Variants in ZNF365 observed in about 807,000 individuals in gnomAD.
The protein encoded by ZNF365 is zinc finger protein 365.
In ZNF365, 22 loss-of-function variants were observed where a neutral mutation model predicts 35.0. The ratio of observed to expected loss-of-function variants is 0.63; its 90% CI spans 0.45 to 0.90. ZNF365 has a LOEUF of 0.90. ZNF365 is among the 40% of genes least tolerant of loss of function. The pLI, the probability that ZNF365 is intolerant of heterozygous loss-of-function variation, is 0.00. For missense variants in ZNF365, 448 were observed against 500.3 expected, an observed-to-expected ratio of 0.90 and a Z score of 1.00; for synonymous variants, 188 against 196.2, an observed-to-expected ratio of 0.96 and a Z score of 0.35.
chr10:62,429,510 C>T (rs1034438645), intron 3 of ZNF365, among the ~76,000 whole-genome samples: 1 of 152,140 alleles, frequency 6.6e-6, no homozygotes, highest in African/African-American at 2.4e-5. Context: ...AATAAATGTA[C>T]TTAACTGTTA....
chr10:62,455,298 C>T (rs895401372), intron 3 of ZNF365, among the ~76,000 whole-genome samples: 33 of 152,068 alleles, frequency 2.2e-4, no homozygotes, highest in African/African-American at 7.5e-4. Flanking sequence ...GTCATGAAGC[C>T]CCAGTTGGCT....
At chr10:62,449,125 T>C (rs1026188427) in intron 3 of ZNF365, among the ~76,000 whole-genome samples, 4 of 152,212 alleles carry the variant, frequency 2.6e-5, no homozygotes, top group Admixed American at 2.0e-4. Flanking sequence ...GTAAAGGAAG[T>C]CTTTATTGCC....
At chr10:62,475,440 T>C (rs75971240) in intron 4 of ZNF365, among the ~76,000 whole-genome samples, 1 of 152,018 alleles carries the variant, frequency 6.6e-6, no homozygotes, top group African/African-American at 2.4e-5. Context: ...TAAAATAAAA[T>C]AAAATTAAAT....
At chr10:62,379,757 T>G (rs1359604628) in intron 2 of ZNF365, among the ~76,000 whole-genome samples, 2 of 152,166 alleles carry the variant, frequency 1.3e-5, no homozygotes, top group South Asian at 2.1e-4. Context: ...GCATCTTCCA[T>G]CCTAACCACC....
At position 62,376,720 on chromosome 10, in the gene ZNF365, T is replaced by A; in HGVS notation, c.527T>A (p.Ile176Asn). The A allele has an allele frequency of 6.2e-7, 1 of 1,614,104 alleles. No homozygotes were observed. Among genetic ancestry groups the A allele is most frequent in the Non-Finnish European group, 8.5e-7 (1 of 1,180,032 alleles). ...NRMVEAVDRT[I>N]EKRIDKLTKE... ...ATGGTTGAGGCTGTGGATAGGACCA[T>A]TGAGAAGAGAATTGATAAACTCACC... Residue 176 changes from isoleucine to asparagine, a missense_variant, in exon 2 of 5, where the codon ATT becomes AAT. Around this residue, in one of 3 missense-constraint regions of ZNF365, gnomAD observed 362 missense variants for 375.7 expected, o/e 0.96. Coordinates refer to ENST00000395254, the MANE Select transcript of ZNF365 (RefSeq NM_014951.3).
chr10:62,480,185 G>T (rs1336884766), exon 5 of ZNF365: 1 of 1,160,294 alleles, frequency 8.6e-7, no homozygotes, highest in Non-Finnish European at 1.1e-6. Context: ...GCAAGTAGAA[G>T]ATGCTTCAGA....
chr10:62,466,245 A>G (rs539694364), intron 4 of ZNF365, among the ~76,000 whole-genome samples: 1 of 152,294 alleles, frequency 6.6e-6, no homozygotes, highest in South Asian at 2.1e-4. Context: ...TTCAGGTGCC[A>G]CTGCATTCCC....
Position 62,401,438 on chromosome 10 carries a change from C to T in ZNF365, c.*1649C>T, listed in dbSNP as rs186294967. On this transcript the variant is annotated 3_prime_UTR_variant, in exon 5 of 5. Transcript: ENST00000395254. ...TTATCATTATACAAACATTCTGAAC[C>T]TACCATAATGAAAATGTTCTTGAAT... The T allele has an allele frequency of 3.7e-5, 36 of 985,244 alleles. No homozygotes were observed. In the East Asian group the frequency reaches 3.6e-3, roughly 98 times the overall value. The allele number at this position is 985,244 out of a possible 1,614,324, so 61.0% of individuals were successfully genotyped here.
At chr10:62,427,054 C>T (rs1387671982) in intron 3 of ZNF365, among the ~76,000 whole-genome samples, 1 of 152,198 alleles carries the variant, frequency 6.6e-6, no homozygotes, top group Non-Finnish European at 1.5e-5. Context: ...ATAAAAATTC[C>T]TATCGCTTAG....
At chr10:62,382,908 C>A (rs1839464203) in intron 2 of ZNF365, among the ~76,000 whole-genome samples, 1 of 152,140 alleles carries the variant, frequency 6.6e-6, no homozygotes, top group African/African-American at 2.4e-5. Flanking sequence ...ATAAATCAGT[C>A]ATGTAAAGTG....
intron 3 of ZNF365, among the ~76,000 whole-genome samples, chr10:62,416,909 A>T (rs1032143942): frequency 6.6e-6 from 1 of 152,048 alleles, no homozygotes; most frequent in African/African-American, 2.4e-5. Context: ...AACCTGTATT[A>T]CTATAATTTA....
intron 4 of ZNF365, among the ~76,000 whole-genome samples, chr10:62,472,330 G>A (rs891381081): frequency 5.3e-5 from 8 of 152,214 alleles, no homozygotes; most frequent in African/African-American, 1.4e-4. Flanking sequence ...TCTGTAATCA[G>A]TTGAATTGTG....
At position 62,400,597 on chromosome 10, in the gene ZNF365, T is replaced by C. The variant is rs1165298264; in HGVS notation, c.*808T>C. The C allele has an allele frequency of 1.0e-6, 1 of 985,860 alleles. No homozygotes were observed. The highest frequency in any genetic ancestry group is 1.7e-5 in the African/African-American group (1 of 57,226). 61.1% of individuals were successfully genotyped at this position (985,860 alleles called of 1,614,324 possible). On this transcript the variant is annotated 3_prime_UTR_variant, in exon 5 of 5. Transcript: ENST00000395254. Reference sequence around the variant, plus strand: ...CTTTTGATTAGCACCCAGCATGGGCTGGGTGGCTAGGTGGTTGGAATGACA... The same window carrying C: ...CTTTTGATTAGCACCCAGCATGGGCCGGGTGGCTAGGTGGTTGGAATGACA...
chr10:62,459,877 G>T, intron 4 of ZNF365: 10 of 1,282,776 alleles, frequency 7.8e-6, no homozygotes, highest in Non-Finnish European at 1.1e-5. Context: ...GAGAGAGACT[G>T]GAAGGGGCGC....
chr10:62,376,483 G>C lies in ZNF365; in HGVS notation c.290G>C (p.Ser97Thr). ...GGCAACGTGGTAAAGCAGAAACCGA[G>C]CTATGTTAACTTGTACAGCATTTCA... ...SSGNVVKQKPSYVNLYSISHE... is the reference protein window; with the variant it reads ...SSGNVVKQKPTYVNLYSISHE... The change falls in exon 2 of 5, where the codon AGC becomes ACC. Residue 97 changes from serine (S) to threonine (T), a missense_variant. Around this residue, in one of 3 missense-constraint regions of ZNF365, gnomAD observed 10 missense variants for 27.9 expected, o/e 0.36. Coordinates refer to ENST00000395254, the MANE Select transcript of ZNF365 (RefSeq NM_014951.3). The C allele has an allele frequency of 6.2e-7, 1 of 1,614,136 alleles. No homozygotes were observed. Among genetic ancestry groups the C allele is most frequent in the Non-Finnish European group, 8.5e-7 (1 of 1,180,040 alleles).
intron 3 of ZNF365, among the ~76,000 whole-genome samples, chr10:62,417,547 T>C (rs1840094377): frequency 6.6e-6 from 1 of 152,094 alleles, no homozygotes; most frequent in African/African-American, 2.4e-5. Context: ...CTTGCTAATA[T>C]TCCTCAGATC....
intron 2 of ZNF365, among the ~76,000 whole-genome samples, chr10:62,381,791 A>G (rs1481427307): frequency 1.3e-5 from 2 of 152,212 alleles, no homozygotes; most frequent in African/African-American, 2.4e-5. Context: ...GATCACAATG[A>G]GAGGACTCTT....
At chr10:62,399,301 G>A (rs1284818589) in intron 4 of ZNF365, among the ~76,000 whole-genome samples, 1 of 152,064 alleles carries the variant, frequency 6.6e-6, no homozygotes, top group African/African-American at 2.4e-5. Flanking sequence ...ACTGTAAATA[G>A]AACTAGTAAT....
intron 3 of ZNF365, among the ~76,000 whole-genome samples, chr10:62,459,495 A>T (rs878962464): frequency 1.3e-5 from 2 of 152,218 alleles, no homozygotes; most frequent in Non-Finnish European, 2.9e-5. Context: ...ATATTTAGGG[A>T]AATGAAGAGT....
Sources: allele counts gnomAD v4.1 joint callset (sites outside exome capture counted in the v4.1 genomes callset), GRCh38; gene constraint gnomAD v4.1.1; regional missense constraint gnomAD v4.1.1; transcripts MANE v1.5; gene names NCBI Gene and HGNC (gene_info 2026-07-23, HGNC 2026-07-21).